The following KLF5 variants were observed in gnomAD, a reference collection of about 807,000 sequenced individuals.
KLF5 encodes Krueppel-like factor 5.
KLF5 carries 9 observed loss-of-function variants against 36.9 expected under a neutral mutation model. The observed-to-expected ratio is 0.24, with a 90% CI of 0.15 to 0.43. KLF5 has a LOEUF of 0.43. Ranked by LOEUF, KLF5 falls within the 20% of genes least tolerant of loss-of-function variation. The probability of loss-of-function intolerance (pLI) is 1.00; values close to 1 mark genes in which losing one functional copy is unlikely to be tolerated. For synonymous variants in KLF5, 246 were observed against 241.7 expected (o/e 1.02, Z -0.17); for missense variants, 524 against 599.5 (o/e 0.87, Z 1.31).
At position 73,059,527 on chromosome 13, in the gene KLF5, C is replaced by T. The variant is rs2044613678; in HGVS notation, c.200C>T (p.Ala67Val). Residue 67 changes from alanine (A) to valine (V), a missense_variant, in exon 1 of 4, where the codon GCC becomes GTC. Coordinates refer to ENST00000377687, the MANE Select transcript of KLF5 (RefSeq NM_001730.5). ...RPQAQPAPAQ[A>V]PQPAQPPATG... is the part of the protein sequence containing the mutation. ...CAGGCGCAGCCCGCGCCCGCGCAGG[C>T]CCCGCAGCCGGCCCAGCCGCCCGCC... is the stretch of plus-strand genomic sequence containing the variant. 1.7e-6 allele frequency: 2 copies of T among 1,197,874 alleles called. No individual in the cohort carries two copies. The highest frequency in any genetic ancestry group is 3.3e-4 in the Middle Eastern group (1 of 3,028). The allele number at this position is 1,197,874 out of a possible 1,614,324, so 74.2% of individuals were successfully genotyped here. A position where few individuals can be genotyped will look rare whatever the true frequency, so the allele number is the denominator to read the frequency against.
chr13:73,074,094 A>C (rs1263193137), intron 3 of KLF5, among the ~76,000 whole-genome samples: 1 of 152,206 alleles, frequency 6.6e-6, no homozygotes, highest in East Asian at 1.9e-4. Flanking sequence ...TGGGAAATGT[A>C]GGTGAACTCT....
At position 73,059,762 on chromosome 13, in the gene KLF5, G is replaced by T. The variant is rs1314987820; in HGVS notation, c.261+174G>T. ...ACGCCTGGCCGGGGCCCCGCGTTTC[G>T]CTGAGAGTAAATGGGGGGGGGGGCC... On this transcript the variant is annotated intron_variant, in intron 1 of 3. Coordinates refer to ENST00000377687, the MANE Select transcript of KLF5 (RefSeq NM_001730.5). 2.6e-5 allele frequency: 17 copies of T among 665,460 alleles called. 1 individual carries two copies. The highest frequency in any genetic ancestry group is 2.9e-5 in the Non-Finnish European group (16 of 546,132). The allele number at this position is 665,460 out of a possible 1,614,324, so 41.2% of individuals were successfully genotyped here.
chr13:73,060,347 T>C (rs1488786006), intron 1 of KLF5, among the ~76,000 whole-genome samples: 1 of 151,994 alleles, frequency 6.6e-6, no homozygotes, highest in Non-Finnish European at 1.5e-5. Context: ...CCGGGACTTT[T>C]AGCCTGTCCC....
At chr13:73,072,235 A>G (rs1361421651) in intron 3 of KLF5, among the ~76,000 whole-genome samples, 2 of 152,178 alleles carry the variant, frequency 1.3e-5, no homozygotes, top group Non-Finnish European at 2.9e-5. Context: ...GGGGAAAAAA[A>G]AGGACAATTT....
intron 3 of KLF5, among the ~76,000 whole-genome samples, chr13:73,071,564 A>C (rs1375540716): frequency 6.6e-6 from 1 of 152,210 alleles, no homozygotes; most frequent in Non-Finnish European, 1.5e-5. Context: ...CTTTTCTTAG[A>C]TATCTAAATC....
chr13:73,062,847 T>A, intron 2 of KLF5, 113 bp downstream of exon 2: 1 of 835,894 alleles, frequency 1.2e-6, no homozygotes, highest in Non-Finnish European at 1.9e-6. Context: ...ACCTCATGGC[T>A]TTAAATAGGA....
chr13:73,061,995 C>CAGT lies in KLF5; in HGVS notation c.398_400dup (p.Ser133dup). ...TCACTGACACTGAAGGGTTACCTTA[C>CAGT]AGTATCAACATGAACGTCTTCCTCC... is the stretch of plus-strand genomic sequence containing the variant. On this transcript the variant is annotated inframe_insertion, in exon 2 of 4. Coordinates refer to ENST00000377687, the MANE Select transcript of KLF5 (RefSeq NM_001730.5). 6.2e-7 allele frequency: 1 copy of CAGT among 1,614,160 alleles called. No individual in the cohort carries two copies. The highest frequency in any genetic ancestry group is 8.5e-7 in the Non-Finnish European group (1 of 1,180,020).
chr13:73,059,241 C>T lies in KLF5; in HGVS notation c.-87C>T, dbSNP rs2044609333. On this transcript the variant is annotated 5_prime_UTR_variant, in exon 1 of 4. Coordinates refer to ENST00000377687, the MANE Select transcript of KLF5 (RefSeq NM_001730.5). ...AAACCTCCCCTCCTCCGCCGGCAGCCCCGCGCTGAGCTCGCCGACCCAAGC... is the reference window on the plus strand; with the variant it reads ...AAACCTCCCCTCCTCCGCCGGCAGCTCCGCGCTGAGCTCGCCGACCCAAGC... The T allele has an allele frequency of 1.6e-6, 2 of 1,223,734 alleles. No homozygotes were observed. Among genetic ancestry groups the T allele is most frequent in the Non-Finnish European group, 1.0e-6 (1 of 970,430 alleles). The allele number at this position is 1,223,734 out of a possible 1,614,324, so 75.8% of individuals were successfully genotyped here. A position where few individuals can be genotyped will look rare whatever the true frequency, so the allele number is the denominator to read the frequency against.
intron 3 of KLF5, among the ~76,000 whole-genome samples, chr13:73,074,734 C>T (rs745502847): frequency 8.8e-4 from 134 of 152,090 alleles, no homozygotes; most frequent in Non-Finnish European, 1.6e-3. Context: ...CATACCAACT[C>T]AATACTCAAG....
intron 3 of KLF5, among the ~76,000 whole-genome samples, chr13:73,067,753 T>A (rs564490339): frequency 1.3e-5 from 2 of 152,054 alleles, no homozygotes; most frequent in East Asian, 3.9e-4. Context: ...TTACTGGAGA[T>A]TGACAATGGA....
In KLF5 at chr13:73,059,486, C is replaced by T. The variant is rs1156721032; in HGVS notation, c.159C>T (p.His53=). The change falls in exon 1 of 4, where the codon CAC becomes CAT. Residue 53 remains histidine (H), a synonymous_variant. Coordinates refer to ENST00000377687, the MANE Select transcript of KLF5 (RefSeq NM_001730.5). ...TCTTCCCCGGCGAGGAGCTGAAGCA[C>T]GCGCACCACCGCCCGCAGGCGCAGC... The part of the protein sequence containing the change: ...AALFPGEELK[H]AHHRPQAQPA... 2.4e-6 allele frequency: 3 copies of T among 1,243,416 alleles called. No homozygotes were observed. The highest frequency in any genetic ancestry group is 3.1e-5 in the African/African-American group (2 of 63,766). 77.0% of individuals were successfully genotyped at this position (1,243,416 alleles called of 1,614,324 possible).
intron 2 of KLF5, 76 bp downstream of exon 2, chr13:73,062,810 C>G: frequency 7.7e-7 from 1 of 1,293,318 alleles, no homozygotes. Flanking sequence ...CGCGCGTGTG[C>G]GTGTGTGCAC....
intron 3 of KLF5, among the ~76,000 whole-genome samples, chr13:73,071,673 G>GT: frequency 6.6e-6 from 1 of 151,952 alleles, no homozygotes; most frequent in East Asian, 1.9e-4. Context: ...ACTAAATTTC[G>GT]TAAGTCTCAA....
chr13:73,062,080 A>G lies in KLF5; in HGVS notation c.481A>G (p.Ile161Val), dbSNP rs778458880. 1.9e-6 allele frequency: 3 copies of G among 1,614,006 alleles called. No individual in the cohort carries two copies. The highest frequency in any genetic ancestry group is 2.2e-5 in the East Asian group (1 of 44,894). The change falls in exon 2 of 4, where the codon ATC becomes GTC. Residue 161 changes from isoleucine to valine, a missense_variant. Around this residue, in one of 4 missense-constraint regions of KLF5, gnomAD observed 454 missense variants for 458.1 expected, o/e 0.99. Transcript: ENST00000377687. ...ATCCCAGAGACCGTGCGTAACACAC[A>G]TCAAGACAGAACCTGTTGCCATTTT... ...YKSQRPCVTH[I>V]KTEPVAIFSH...
chr13:73,065,395 C>T (rs571191172), intron 3 of KLF5, among the ~76,000 whole-genome samples: 1 of 152,290 alleles, frequency 6.6e-6, no homozygotes, highest in South Asian at 2.1e-4. Context: ...AATCCGATGA[C>T]AATGTTGTAG....
At chr13:73,068,564 C>G (rs748208981) in intron 3 of KLF5, among the ~76,000 whole-genome samples, 1 of 151,372 alleles carries the variant, frequency 6.6e-6, no homozygotes, top group Non-Finnish European at 1.5e-5. Flanking sequence ...ATTAGTCAGG[C>G]GTGGTGGCAC....
chr13:73,069,313 A>T (rs2044705955), intron 3 of KLF5, among the ~76,000 whole-genome samples: 1 of 152,170 alleles, frequency 6.6e-6, no homozygotes, highest in Non-Finnish European at 1.5e-5. Context: ...ATGTGAATCG[A>T]GAAATAATAG....
intron 1 of KLF5, 142 bp downstream of exon 1, chr13:73,059,730 G>A: frequency 1.3e-6 from 1 of 761,824 alleles, no homozygotes; most frequent in Non-Finnish European, 1.6e-6. Context: ...GGGCAGCCCC[G>A]CCCTGCACGC....
intron 1 of KLF5, chr13:73,060,525 C>G (rs937187895): frequency 1.3e-5 from 2 of 152,244 alleles, no homozygotes; most frequent in Non-Finnish European, 1.5e-5. Flanking sequence ...CTACCCAGCG[C>G]CTACTCCGTG....
Sources: gnomAD v4.1 joint callset for allele counts (sites outside exome capture counted in the v4.1 genomes callset) on GRCh38, gnomAD v4.1.1 for gene constraint, gnomAD v4.1.1 regional missense constraint, MANE v1.5 for transcripts, NCBI Gene and HGNC (gene_info 2026-07-23, HGNC 2026-07-21) for gene names.